Variants in DENND5A observed in about 807,000 individuals in gnomAD.
DENND5A encodes DENN domain containing 5A, also known as DENN domain-containing protein 5A.
DENND5A carries 64 observed loss-of-function variants against 140.3 expected under a neutral mutation model. The ratio of observed to expected loss-of-function variants is 0.46; its 90% confidence interval spans 0.37 to 0.56. The LOEUF (loss-of-function observed/expected upper bound fraction) is 0.56. DENND5A is among the 20% of genes least tolerant of loss of function. The pLI is 0.00. For missense variants in DENND5A, 1,292 were observed against 1,593.8 expected, an observed-to-expected ratio of 0.81 and a Z score of 3.22; for synonymous variants, 605 against 607.7, an observed-to-expected ratio of 1.00 and a Z score of 0.07.
chr11:9,181,145 T>A (rs1848717559), intron 5 of DENND5A, 61 bp from the exon 6 acceptor site: 1 of 1,492,528 alleles, frequency 6.7e-7, no homozygotes, highest in African/African-American at 1.4e-5. Flanking sequence ...GAAGAAGTTT[T>A]AGAAAGGTTA....
chr11:9,195,015 C>A (rs1429376640), intron 4 of DENND5A, among the ~76,000 whole-genome samples: 1 of 146,548 alleles, frequency 6.8e-6, no homozygotes, highest in Non-Finnish European at 1.5e-5. Context: ...CCGCGCCCAG[C>A]CAGCCTTTTT....
At chr11:9,190,572 C>G (rs1033631894) in intron 5 of DENND5A, among the ~76,000 whole-genome samples, 39 of 152,286 alleles carry the variant, frequency 2.6e-4, no homozygotes, top group South Asian at 4.1e-4. Context: ...GAGGCTTTCC[C>G]AGCCACATGG....
chr11:9,203,066 A>G (rs1169946154), intron 4 of DENND5A, among the ~76,000 whole-genome samples: 1 of 152,172 alleles, frequency 6.6e-6, no homozygotes, highest in East Asian at 1.9e-4. Flanking sequence ...TGCCTGACAC[A>G]TAGTGCACTC....
Position 9,211,365 on chromosome 11 carries a change from C to A in DENND5A, c.110-3733G>T, listed in dbSNP as rs1590281455. ...AGCAGCCAAGTTAAGGGTAAAAGAA[C>A]TGAACTGAAATTTAAGTTGCCACCC... is the stretch of plus-strand genomic sequence containing the variant. On this transcript the variant is annotated intron_variant, in intron 1 of 22. Transcript: ENST00000328194. 2.0e-5 allele frequency among the ~76,000 whole-genome samples: 3 copies of A among 152,142 alleles called. No homozygotes were observed. In the Middle Eastern group the frequency reaches 0.01, roughly 517 times the overall value.
In DENND5A at chr11:9,178,113, A is replaced by C; in HGVS notation, c.1906+19T>G. On this transcript the variant is annotated intron_variant, in intron 8 of 22. Coordinates refer to ENST00000328194, the MANE Select transcript of DENND5A (RefSeq NM_015213.4). ...CATAATCCAAGAGGCCTGAATGTACATTTCCAAGGAGGCCTTACCTGCTTC... is the reference window on the plus strand; with the variant it reads ...CATAATCCAAGAGGCCTGAATGTACCTTTCCAAGGAGGCCTTACCTGCTTC... 1 of 1,536,954 alleles carries C rather than the reference A, an allele frequency of 6.5e-7. No individual in the cohort carries two copies. Among genetic ancestry groups the C allele is most frequent in the Non-Finnish European group, 9.0e-7 (1 of 1,109,700 alleles).
At chr11:9,177,549 G>C (rs2136170704) in intron 8 of DENND5A, among the ~76,000 whole-genome samples, 1 of 152,060 alleles carries the variant, frequency 6.6e-6, no homozygotes, top group Non-Finnish European at 1.5e-5. Flanking sequence ...CAGTTGCTTG[G>C]GAGGCTGAGG....
intron 1 of DENND5A, among the ~76,000 whole-genome samples, chr11:9,243,107 AAAAAAAAAAC>A (rs1286277117): frequency 1.6e-4 from 24 of 146,510 alleles, no homozygotes; most frequent in Non-Finnish European, 1.1e-4. Context: ...AAAAAAAACA[AAAAAAAAAAC>A]TGAGGCGAGT....
chr11:9,229,513 T>C (rs1850672193), intron 1 of DENND5A, among the ~76,000 whole-genome samples: 1 of 151,998 alleles, frequency 6.6e-6, no homozygotes, highest in Admixed American at 6.6e-5. Context: ...AGAATCCCCC[T>C]TTCCCCAAGG....
At position 9,160,976 on chromosome 11, in the gene DENND5A, G is replaced by A. The variant is rs988071740; in HGVS notation, c.2284-111C>T. 1.1e-5 allele frequency: 12 copies of A among 1,050,016 alleles called. No homozygotes were observed. The African/African-American group carries it at 1.9e-4, about 17-fold the overall frequency. 65.0% of individuals were successfully genotyped at this position (1,050,016 alleles called of 1,614,324 possible). A position where few individuals can be genotyped will look rare whatever the true frequency, so the allele number is the denominator to read the frequency against. ...ACATCTGTTGGGCTGGGAAGGACAGGATGAATTAGCCCCAAGGACACAGAA... is the reference window on the plus strand; with the variant it reads ...ACATCTGTTGGGCTGGGAAGGACAGAATGAATTAGCCCCAAGGACACAGAA... On this transcript the variant is annotated intron_variant, in intron 11 of 22. Coordinates refer to ENST00000328194, the MANE Select transcript of DENND5A (RefSeq NM_015213.4).
intron 5 of DENND5A, among the ~76,000 whole-genome samples, chr11:9,191,423 AGAGATGGAGT>A (rs565987494): frequency 7.0e-4 from 107 of 152,290 alleles, no homozygotes; most frequent in Non-Finnish European, 1.4e-3. Flanking sequence ...TATTTTTAGT[AGAGATGGAGT>A]TTCACCATGT....
chr11:9,255,328 C>T (rs1020880239), intron 1 of DENND5A, among the ~76,000 whole-genome samples: 1 of 152,096 alleles, frequency 6.6e-6, no homozygotes, highest in Admixed American at 6.5e-5. Flanking sequence ...CGGTGGCTCA[C>T]GCCTGTAATC....
intron 4 of DENND5A, among the ~76,000 whole-genome samples, chr11:9,201,909 C>G (rs184983841): frequency 2.6e-5 from 4 of 152,244 alleles, no homozygotes; most frequent in Non-Finnish European, 5.9e-5. Context: ...AAAATTATAA[C>G]TTTCCAGTTA....
chr11:9,252,892 C>A lies in DENND5A; in HGVS notation c.109+12069G>T, dbSNP rs573378266. Among the ~76,000 whole-genome samples, 93 of 150,710 alleles carry A rather than the reference C, an allele frequency of 6.2e-4. 1 individual carries two copies. Among genetic ancestry groups the A allele is most frequent in the Non-Finnish European group, 1.1e-3 (76 of 67,840 alleles). Reference sequence around the variant, plus strand: ...TGAGTCAGGGTCTCACCCTATTGCCCAGGCTGGAGTGCAGTGGCACAATCA... The same window carrying A: ...TGAGTCAGGGTCTCACCCTATTGCCAAGGCTGGAGTGCAGTGGCACAATCA... On this transcript the variant is annotated intron_variant, in intron 1 of 22. Coordinates refer to ENST00000328194, the MANE Select transcript of DENND5A (RefSeq NM_015213.4).
At chr11:9,202,289 G>A (rs1258471736) in intron 4 of DENND5A, among the ~76,000 whole-genome samples, 1 of 151,924 alleles carries the variant, frequency 6.6e-6, no homozygotes. Context: ...GACATTATCG[G>A]GTACCAGAGA....
intron 7 of DENND5A, 40 bp from the exon 8 acceptor site, chr11:9,178,406 G>C (rs2136172197): frequency 1.5e-6 from 2 of 1,314,848 alleles, no homozygotes; most frequent in African/African-American, 1.5e-5. Flanking sequence ...ACAGGGAAAA[G>C]GGTAATGTCA....
chr11:9,223,038 A>G (rs995521618), intron 1 of DENND5A, among the ~76,000 whole-genome samples: 5 of 152,218 alleles, frequency 3.3e-5, no homozygotes, highest in Non-Finnish European at 7.3e-5. Context: ...GTAAAGTAGA[A>G]AGAGTTCTTG....
intron 1 of DENND5A, among the ~76,000 whole-genome samples, chr11:9,236,716 C>T (rs1485968846): frequency 4.4e-5 from 6 of 134,856 alleles, no homozygotes; most frequent in Non-Finnish European, 7.8e-5. Flanking sequence ...ACCTCTGCCT[C>T]GAAAGAAAGA....
intron 19 of DENND5A, 133 bp from the exon 20 acceptor site, chr11:9,143,618 G>A (rs1047700293): frequency 8.0e-5 from 58 of 722,358 alleles, no homozygotes; most frequent in African/African-American, 7.7e-4. Flanking sequence ...AAGCAGAGGC[G>A]CTTGCCCACC....
intron 12 of DENND5A, among the ~76,000 whole-genome samples, chr11:9,158,424 C>A (rs1351098495): frequency 1.3e-5 from 2 of 152,000 alleles, no homozygotes; most frequent in African/African-American, 4.8e-5. Flanking sequence ...CACCTGTAGT[C>A]TCAGTCTCCA....
Sources: gnomAD v4.1 joint callset for allele counts (sites outside exome capture counted in the v4.1 genomes callset) on GRCh38, gnomAD v4.1.1 for gene constraint, MANE v1.5 for transcripts, NCBI Gene and HGNC (gene_info 2026-07-23, HGNC 2026-07-21) for gene names.